WDR44: variants seen among roughly 807,000 people sequenced by gnomAD.
WDR44 encodes WD repeat domain 44.
WDR44 carries 9 observed loss-of-function variants against 65.7 expected under a neutral mutation model. The observed-to-expected ratio is 0.14, with a 90% CI of 0.08 to 0.24. WDR44 has a LOEUF of 0.24. Ranked by LOEUF, WDR44 falls within the 10% of genes least tolerant of loss-of-function variation. The pLI is 1.00. For missense variants in WDR44, 425 were observed against 670.9 expected (o/e 0.63, Z 4.05); for synonymous variants, 220 against 235.2 (o/e 0.94, Z 0.59).
intron 1 of WDR44, among the ~76,000 whole-genome samples, chrX:118,373,537 T>C (rs948170332): frequency 8.9e-6 from 1 of 112,194 alleles, no homozygotes; most frequent in African/African-American, 3.2e-5. Flanking sequence ...TAAAGGCAGG[T>C]CAGGATTCAG....
intron 19 of WDR44, chrX:118,447,175 T>TTTTTC (rs939023940): frequency 3.9e-6 from 1 of 255,317 alleles, no homozygotes; most frequent in East Asian, 1.2e-4. Flanking sequence ...ACCTGGCCTT[T>TTTTTC]TTTTCTTTTC....
At chrX:118,448,360 T>C (rs2057365855) in intron 19 of WDR44, among the ~76,000 whole-genome samples, 1 of 112,289 alleles carries the variant, frequency 8.9e-6, no homozygotes, top group Non-Finnish European at 1.9e-5. Flanking sequence ...AGCATAGTTA[T>C]ATAGCTTTTC....
chrX:118,387,318 AT>A, intron 2 of WDR44, 21 bp from the exon 3 acceptor site: 8 of 1,125,572 alleles, frequency 7.1e-6, no homozygotes, highest in Non-Finnish European at 8.4e-6. Flanking sequence ...TTTGGTCTCT[AT>A]TTCTTTTCTT....
At chrX:118,448,736 T>TGAAA (rs1175334092) in intron 19 of WDR44, among the ~76,000 whole-genome samples, 157 bp from the exon 20 acceptor site, 1 of 111,394 alleles carries the variant, frequency 9.0e-6, no homozygotes, top group Admixed American at 9.6e-5. Context: ...TTCAGCAGAA[T>TGAAA]GAAAGAATTA....
At chrX:118,391,406 A>G (rs913828466) in intron 3 of WDR44, among the ~76,000 whole-genome samples, 1 of 112,152 alleles carries the variant, frequency 8.9e-6, no homozygotes, top group African/African-American at 3.2e-5. Context: ...AAACTAACAT[A>G]TAGAACATGC....
Position 118,449,094 on chromosome X carries a change from G to T in WDR44, c.*107G>T. On this transcript the variant is annotated 3_prime_UTR_variant, in exon 20 of 20. Coordinates refer to ENST00000254029, the MANE Select transcript of WDR44 (RefSeq NM_019045.5). ...ACTTTTTTAATTTTTATTGAAAGTTGTTCAAATATAATATATTTTTTGAGA... is the reference window on the plus strand; with the variant it reads ...ACTTTTTTAATTTTTATTGAAAGTTTTTCAAATATAATATATTTTTTGAGA... The T allele has an allele frequency of 4.0e-6, 2 of 499,000 alleles. No individual in the cohort carries two copies. The highest frequency in any genetic ancestry group is 1.1e-4 in the South Asian group (2 of 18,769). The allele number at this position is 499,000 out of a possible 1,213,427, so 41.1% of individuals were successfully genotyped here.
intron 8 of WDR44, among the ~76,000 whole-genome samples, chrX:118,402,434 T>A (rs6646195): frequency 0.23 from 10,373 of 44,172 alleles, 1,842 homozygotes; most frequent in African/African-American, 0.6. Flanking sequence ...AAACTCTGTC[T>A]CAAAAAAAAA....
intron 4 of WDR44, 28 bp downstream of exon 4, chrX:118,393,299 T>G: frequency 8.6e-7 from 1 of 1,163,879 alleles, no homozygotes; most frequent in East Asian, 3.0e-5. Context: ...AATCACTCTG[T>G]TGGTTGGGCA....
At chrX:118,367,770 G>A (rs2056566810) in intron 1 of WDR44, among the ~76,000 whole-genome samples, 1 of 111,226 alleles carries the variant, frequency 9.0e-6, no homozygotes, top group Non-Finnish European at 1.9e-5. Flanking sequence ...TCCCTCACAT[G>A]TAAAATGAGA....
chrX:118,415,111 C>T (rs2057046510), intron 12 of WDR44, among the ~76,000 whole-genome samples: 1 of 111,952 alleles, frequency 8.9e-6, no homozygotes, highest in African/African-American at 3.3e-5. Context: ...TTGTCAAATG[C>T]TTTTTCTGCA....
chrX:118,364,938 T>C (rs1429250189), intron 1 of WDR44, among the ~76,000 whole-genome samples: 1 of 112,464 alleles, frequency 8.9e-6, no homozygotes, highest in Non-Finnish European at 1.9e-5. Flanking sequence ...ACTACTTTTC[T>C]TCCTTATCTT....
chrX:118,448,106 AGGGT>A (rs2147759585), intron 19 of WDR44, among the ~76,000 whole-genome samples: 1 of 109,547 alleles, frequency 9.1e-6, no homozygotes, highest in South Asian at 3.9e-4. Context: ...ATATGCCAAA[AGGGT>A]GGTAAAGGAA....
chrX:118,432,426 CA>C lies in WDR44; in HGVS notation c.1738-354del, dbSNP rs772539686. Among the ~76,000 whole-genome samples, 3 of 111,704 alleles carry C rather than the reference CA, an allele frequency of 2.7e-5. No individual in the cohort carries two copies. In the South Asian group the frequency reaches 1.1e-3, roughly 42 times the overall value. On this transcript the variant is annotated intron_variant, in intron 12 of 19. Coordinates refer to ENST00000254029, the MANE Select transcript of WDR44 (RefSeq NM_019045.5). ...ATGGAAATTGTACCACATGCCTAAC[CA>C]GTCATCACTGGGAAGGGAAATCAGC...
In WDR44 at chrX:118,443,641, T is replaced by C; in HGVS notation, c.2466T>C (p.Phe822=). Residue 822 remains phenylalanine, a synonymous_variant, in exon 18 of 20, where the codon TTT becomes TTC. Coordinates refer to ENST00000254029, the MANE Select transcript of WDR44 (RefSeq NM_019045.5). Reference sequence around the variant, plus strand: ...GTACCTACCATGACCTAAGCAAGTTTACTTCAGTCAGGAGAGATCGTAATG... The same window carrying C: ...GTACCTACCATGACCTAAGCAAGTTCACTTCAGTCAGGAGAGATCGTAATG... ...IWSTYHDLSK[F]TSVRRDRNDF... 2 of 1,211,269 alleles carry C rather than the reference T, an allele frequency of 1.7e-6. No homozygotes were observed. Among genetic ancestry groups the C allele is most frequent in the Non-Finnish European group, 2.2e-6 (2 of 895,039 alleles).
At chrX:118,445,454 G>T (rs1461866911) in intron 19 of WDR44, among the ~76,000 whole-genome samples, 1 of 111,981 alleles carries the variant, frequency 8.9e-6, no homozygotes, top group Non-Finnish European at 1.9e-5. Context: ...CTTATTTATT[G>T]CTGTATTGCC....
chrX:118,357,790 G>A (rs886088600), intron 1 of WDR44, among the ~76,000 whole-genome samples: 1 of 109,799 alleles, frequency 9.1e-6, no homozygotes, highest in African/African-American at 3.3e-5. Flanking sequence ...CGTAGAGGGG[G>A]ATTACTGGAG....
chrX:118,432,502 G>A (rs753872076), intron 12 of WDR44, among the ~76,000 whole-genome samples: 7 of 111,781 alleles, frequency 6.3e-5, no homozygotes, highest in Non-Finnish European at 1.1e-4. Context: ...GGTACTGGCC[G>A]TCACCTCTCC....
At chrX:118,434,313 C>G (rs1185369372) in intron 13 of WDR44, among the ~76,000 whole-genome samples, 1 of 110,910 alleles carries the variant, frequency 9.0e-6, no homozygotes, top group Non-Finnish European at 1.9e-5. Flanking sequence ...CTTGACGATA[C>G]AAATATAGAA....
chrX:118,425,166 A>C (rs2057144974), intron 12 of WDR44, among the ~76,000 whole-genome samples: 1 of 111,911 alleles, frequency 8.9e-6, no homozygotes, highest in Admixed American at 9.6e-5. Context: ...CCAGTGAGTG[A>C]GAAGGAGAGG....
Sources: gnomAD v4.1 joint callset for allele counts (sites outside exome capture counted in the v4.1 genomes callset) on GRCh38, gnomAD v4.1.1 for gene constraint, MANE v1.5 for transcripts, NCBI Gene and HGNC (gene_info 2026-07-23, HGNC 2026-07-21) for gene names.